The following NIPBL variants were observed in gnomAD, a reference collection of about 807,000 sequenced individuals.
NIPBL encodes the protein NIPBL cohesin loading factor, also known as nipped-B-like protein.
Under a neutral mutation model 321.8 loss-of-function variants are expected in NIPBL, and 19 were observed. The ratio of observed to expected loss-of-function variants is 0.06; its 90% CI spans 0.04 to 0.09. The LOEUF (loss-of-function observed/expected upper bound fraction) is 0.09, where lower values mean the gene tolerates loss of function less well. Ranked by LOEUF, NIPBL falls within the 10% of genes least tolerant of loss-of-function variation. The probability of loss-of-function intolerance (pLI) is 1.00; values close to 1 mark genes in which losing one functional copy is unlikely to be tolerated. For missense variants in NIPBL, 2,210 were observed against 3,327.0 expected (o/e 0.66, Z 8.26); for synonymous variants, 1,106 against 1,114.1 (o/e 0.99, Z 0.14).
At chr5:36,979,351 A>G (rs901434431) in intron 9 of NIPBL, among the ~76,000 whole-genome samples, 2 of 151,856 alleles carry the variant, frequency 1.3e-5, no homozygotes, top group East Asian at 1.9e-4. Context: ...GTGTGTGGCT[A>G]TTGTAAATGA....
chr5:37,065,259 C>T lies in NIPBL; in HGVS notation c.*367C>T, dbSNP rs1242317301. The stretch of plus-strand genomic sequence containing the variant: ...CCTAGCAGCGGATGGCTTTCTTTAG[C>T]TTAGCCCAGTTTCCAGGGAAGCATT... On this transcript the variant is annotated 3_prime_UTR_variant, in exon 47 of 47. Transcript: ENST00000282516. 2 of 238,520 alleles carry T rather than the reference C, an allele frequency of 8.4e-6. No individual in the cohort carries two copies. Among genetic ancestry groups the T allele is most frequent in the Non-Finnish European group, 1.7e-5 (2 of 120,804 alleles). 14.8% of individuals were successfully genotyped at this position (238,520 alleles called of 1,614,324 possible). A position where few individuals can be genotyped will look rare whatever the true frequency, so the allele number is the denominator to read the frequency against.
At chr5:37,044,238 T>A in intron 34 of NIPBL, 109 bp from the exon 35 acceptor site, 1 of 972,132 alleles carries the variant, frequency 1.0e-6, no homozygotes, top group Non-Finnish European at 1.5e-6. Flanking sequence ...TTTTTTTAAC[T>A]GGACCTTTAC....
At chr5:36,920,886 GC>G (rs1400535942) in intron 1 of NIPBL, among the ~76,000 whole-genome samples, 1 of 148,912 alleles carries the variant, frequency 6.7e-6, no homozygotes, top group Non-Finnish European at 1.5e-5. Context: ...CTGTATTGCT[GC>G]TATAGTTGTC....
intron 1 of NIPBL, among the ~76,000 whole-genome samples, chr5:36,920,343 A>C (rs192922229): frequency 6.6e-6 from 1 of 152,226 alleles, no homozygotes; most frequent in African/African-American, 2.4e-5. Context: ...ATAATAGTAC[A>C]CTGATGATAT....
At chr5:36,948,114 A>G (rs956879300) in intron 1 of NIPBL, among the ~76,000 whole-genome samples, 4 of 151,942 alleles carry the variant, frequency 2.6e-5, no homozygotes, top group African/African-American at 9.7e-5. Context: ...TCCCTCTGAA[A>G]TATGTACCCC....
intron 1 of NIPBL, among the ~76,000 whole-genome samples, chr5:36,922,885 A>G (rs1749055811): frequency 6.6e-6 from 1 of 152,160 alleles, no homozygotes; most frequent in South Asian, 2.1e-4. Flanking sequence ...GATTTGAACT[A>G]CAGATTTCTT....
intron 1 of NIPBL, among the ~76,000 whole-genome samples, chr5:36,948,196 A>G (rs1327620611): frequency 6.6e-6 from 1 of 151,938 alleles, no homozygotes; most frequent in East Asian, 1.9e-4. Context: ...TAACCATTGT[A>G]CTTTGCTTGC....
At chr5:37,001,989 T>G (rs1746862349) in intron 14 of NIPBL, among the ~76,000 whole-genome samples, 1 of 152,168 alleles carries the variant, frequency 6.6e-6, no homozygotes, top group Admixed American at 6.6e-5. Context: ...AGAAATTGTC[T>G]TCTGTATCAT....
chr5:36,933,370 G>A (rs938199215), intron 1 of NIPBL, among the ~76,000 whole-genome samples: 8 of 151,674 alleles, frequency 5.3e-5, no homozygotes, highest in Admixed American at 3.3e-4. Flanking sequence ...ATTCTGTTTG[G>A]TCAAAAGGGT....
rs376084993 is a variant in NIPBL, at chr5:37,024,651, A to G, written c.5641A>G (p.Thr1881Ala). The change falls in exon 30 of 47, where the codon ACA becomes GCA. Residue 1881 changes from threonine (T) to alanine (A), a missense_variant. Coordinates refer to ENST00000282516, the MANE Select transcript of NIPBL (RefSeq NM_133433.4). ...CAGAGACATTTGTATTGAACAACCA[A>G]CATTTCCAAAAATCACAGAAATGTG... is the stretch of plus-strand genomic sequence containing the variant. ...ILRDICIEQP[T>A]FPKITEMCVK... 16 of 1,611,446 alleles carry G rather than the reference A, an allele frequency of 9.9e-6. No homozygotes were observed. The highest frequency in any genetic ancestry group is 1.2e-5 in the Non-Finnish European group (14 of 1,178,170).
At chr5:36,993,079 A>T (rs1244099129) in intron 10 of NIPBL, among the ~76,000 whole-genome samples, 2 of 152,130 alleles carry the variant, frequency 1.3e-5, no homozygotes, top group Non-Finnish European at 2.9e-5. Context: ...AACCTGGCGG[A>T]GTCCATTTAT....
At position 37,059,000 on chromosome 5, in the gene NIPBL, TAGATTCAGATTC is replaced by T. The variant is rs587784044; in HGVS notation, c.7536_7547del (p.Asp2512_Ser2515del). The stretch of plus-strand genomic sequence containing the variant: ...AGGCCTCGGAAGTCACGGAAACGTG[TAGATTCAGATTC>T]AGATTCAGATTCAGAAGACGATATA... On this transcript the variant is annotated inframe_deletion, in exon 44 of 47. Coordinates refer to ENST00000282516, the MANE Select transcript of NIPBL (RefSeq NM_133433.4). The T allele has an allele frequency of 1.2e-6, 2 of 1,614,158 alleles. No homozygotes were observed. Among genetic ancestry groups the T allele is most frequent in the East Asian group, 2.2e-5 (1 of 44,870 alleles).
At chr5:36,955,385 C>T (rs1740825342) in intron 2 of NIPBL, 87 bp from the exon 3 acceptor site, 2 of 1,129,316 alleles carry the variant, frequency 1.8e-6, no homozygotes, top group Admixed American at 3.4e-5. Flanking sequence ...ATATTTATAA[C>T]TTACTTTTAA....
chr5:37,037,319 C>T (rs1490633271), intron 33 of NIPBL, among the ~76,000 whole-genome samples: 1 of 150,784 alleles, frequency 6.6e-6, no homozygotes, highest in African/African-American at 2.4e-5. Flanking sequence ...GCCCGGGAGG[C>T]AGAGCTTGCA....
intron 6 of NIPBL, among the ~76,000 whole-genome samples, chr5:36,969,708 C>T (rs1021082780): frequency 1.3e-5 from 2 of 152,112 alleles, no homozygotes; most frequent in African/African-American, 4.8e-5. Context: ...ATGGCCAGTA[C>T]ACAAGAGAAG....
intron 1 of NIPBL, among the ~76,000 whole-genome samples, chr5:36,900,941 CT>C (rs1385453998): frequency 6.6e-6 from 1 of 152,094 alleles, no homozygotes; most frequent in African/African-American, 2.4e-5. Context: ...TATCCACTCC[CT>C]TTTTTTCCCC....
chr5:37,045,748 T>C, intron 37 of NIPBL, 151 bp downstream of exon 37: 1 of 783,464 alleles, frequency 1.3e-6, no homozygotes, highest in Non-Finnish European at 2.1e-6. Context: ...AACGTGGTCC[T>C]CAGACTGGCT....
At chr5:36,990,777 C>A (rs1401937619) in intron 10 of NIPBL, among the ~76,000 whole-genome samples, 5 of 151,964 alleles carry the variant, frequency 3.3e-5, no homozygotes, top group Admixed American at 3.3e-4. Flanking sequence ...AAGTAGAAAC[C>A]TTTTTATAAA....
At chr5:36,976,594 C>T (rs1175647680) in intron 9 of NIPBL, among the ~76,000 whole-genome samples, 192 bp downstream of exon 9, 1 of 152,020 alleles carries the variant, frequency 6.6e-6, no homozygotes, top group Non-Finnish European at 1.5e-5. Context: ...TCTGAAACAA[C>T]TATATGAGAT....
Sources: allele counts gnomAD v4.1 joint callset (sites outside exome capture counted in the v4.1 genomes callset), GRCh38; gene constraint gnomAD v4.1.1; transcripts MANE v1.5; gene names NCBI Gene and HGNC (gene_info 2026-07-23, HGNC 2026-07-21).